Variants in TRPM3 observed in about 807,000 individuals in gnomAD.
TRPM3 encodes the protein long transient receptor potential channel 3.
TRPM3 carries 77 observed loss-of-function variants against 181.2 expected under a neutral mutation model. That is an observed-to-expected ratio of 0.42 (90% CI 0.35 to 0.51). TRPM3 has a LOEUF of 0.51. Among genes scored for constraint, TRPM3 ranks in the 20% least tolerant of loss-of-function variants. The pLI is 0.01. For missense variants in TRPM3, 1,759 were observed against 2,196.7 expected, an observed-to-expected ratio of 0.80 and a Z score of 3.98; for synonymous variants, 745 against 796.4, an observed-to-expected ratio of 0.94 and a Z score of 1.09.
Position 71,237,948 on chromosome 9 carries a change from T to C in TRPM3, c.183+208705A>G, listed in dbSNP as rs533426620. ...TTCCCTCATAGTCCTCATTCCTTCATAAAGGCCCTACATCTTAATACTATT... is the reference window on the plus strand; with the variant it reads ...TTCCCTCATAGTCCTCATTCCTTCACAAAGGCCCTACATCTTAATACTATT... On this transcript the variant is annotated intron_variant, in intron 1 of 24. Transcript: ENST00000357533. Among the ~76,000 whole-genome samples, 11 of 152,246 alleles carry C rather than the reference T, an allele frequency of 7.2e-5. No homozygotes were observed. In the South Asian group the frequency reaches 1.0e-3, roughly 14 times the overall value.
intron 5 of TRPM3, among the ~76,000 whole-genome samples, chr9:70,835,254 G>C (rs1005432738): frequency 2.6e-5 from 4 of 151,766 alleles, no homozygotes; most frequent in African/African-American, 4.8e-5. Flanking sequence ...CCCAGATTCA[G>C]GTATTCCTTT....
intron 22 of TRPM3, among the ~76,000 whole-genome samples, chr9:70,577,414 G>T (rs1167984963): frequency 6.6e-6 from 1 of 152,206 alleles, no homozygotes; most frequent in East Asian, 1.9e-4. Flanking sequence ...CCTTCAACAA[G>T]TTCTTTAACC....
intron 1 of TRPM3, among the ~76,000 whole-genome samples, chr9:71,271,573 C>T (rs2083793125): frequency 6.6e-6 from 1 of 151,580 alleles, no homozygotes; most frequent in African/African-American, 2.4e-5. Flanking sequence ...CATTTCTACC[C>T]AGCAGAAGAG....
intron 1 of TRPM3, among the ~76,000 whole-genome samples, chr9:71,111,926 CTGATT>C (rs2071200220): frequency 6.6e-6 from 1 of 152,064 alleles, no homozygotes; most frequent in Non-Finnish European, 1.5e-5. Context: ...TATTTTGACT[CTGATT>C]TATTTTTTCC....
chr9:71,060,532 G>T (rs190447659), intron 1 of TRPM3, among the ~76,000 whole-genome samples: 1 of 152,120 alleles, frequency 6.6e-6, no homozygotes, highest in African/African-American at 2.4e-5. Flanking sequence ...CAGACTCTCA[G>T]TGCTCCCCTA....
At position 71,424,890 on chromosome 9, in the gene TRPM3, C is replaced by T. The variant is rs140699589; in HGVS notation, c.183+21763G>A. On this transcript the variant is annotated intron_variant, in intron 1 of 24. Coordinates refer to the TRPM3 transcript ENST00000357533. Reference sequence around the variant, plus strand: ...CCATGACCTCACTTGTCATTCATTCCTCAGCCTACTCCAGTCTGGCTTCTT... The same window carrying T: ...CCATGACCTCACTTGTCATTCATTCTTCAGCCTACTCCAGTCTGGCTTCTT... 4.3e-3 allele frequency among the ~76,000 whole-genome samples: 651 copies of T among 152,236 alleles called. 7 individuals are homozygous for T. The highest frequency in any genetic ancestry group is 0.015 in the African/African-American group (627 of 41,572).
At chr9:70,861,903 C>T (rs1258047356) in intron 3 of TRPM3, among the ~76,000 whole-genome samples, 1 of 134,432 alleles carries the variant, frequency 7.4e-6, no homozygotes, top group African/African-American at 2.9e-5. Context: ...GCTCAGTCAG[C>T]CATTCGTGGT....
At chr9:70,946,512 A>G (rs2096935206) in intron 1 of TRPM3, among the ~76,000 whole-genome samples, 1 of 152,138 alleles carries the variant, frequency 6.6e-6, no homozygotes, top group Admixed American at 6.6e-5. Context: ...TAATATTTAT[A>G]AGGTACTCAT....
chr9:70,816,036 C>A (rs1420406286), intron 6 of TRPM3, among the ~76,000 whole-genome samples: 1 of 152,082 alleles, frequency 6.6e-6, no homozygotes, highest in Non-Finnish European at 1.5e-5. Flanking sequence ...GTTCACTTAA[C>A]AAGATGGAAA....
chr9:71,305,924 G>A (rs2087262081), intron 1 of TRPM3, among the ~76,000 whole-genome samples: 1 of 152,010 alleles, frequency 6.6e-6, no homozygotes, highest in Admixed American at 6.6e-5. Context: ...TCCTGATCAG[G>A]ACTTTTCTTT....
chr9:70,838,720 G>A (rs1248162529), intron 5 of TRPM3, among the ~76,000 whole-genome samples: 1 of 152,138 alleles, frequency 6.6e-6, no homozygotes, highest in Non-Finnish European at 1.5e-5. Context: ...AACCACAGAG[G>A]TGGAGCCAAC....
At chr9:71,220,256 C>T (rs962233707) in intron 1 of TRPM3, among the ~76,000 whole-genome samples, 1 of 152,066 alleles carries the variant, frequency 6.6e-6, no homozygotes, top group Non-Finnish European at 1.5e-5. Flanking sequence ...TTTACAAAAT[C>T]CTGCCATAGG....
intron 22 of TRPM3, among the ~76,000 whole-genome samples, chr9:70,587,539 C>T (rs1261598507): frequency 6.6e-6 from 1 of 152,198 alleles, no homozygotes; most frequent in African/African-American, 2.4e-5. Context: ...AAGAGTCCAT[C>T]TAATTTTAGC....
chr9:71,390,310 G>A (rs1398784919), intron 1 of TRPM3, among the ~76,000 whole-genome samples: 2 of 152,020 alleles, frequency 1.3e-5, no homozygotes, highest in African/African-American at 2.4e-5. Flanking sequence ...ACACATAAAG[G>A]AAACTTAATG....
intron 1 of TRPM3, among the ~76,000 whole-genome samples, chr9:71,192,255 C>T (rs1010463110): frequency 7.9e-5 from 12 of 151,516 alleles, no homozygotes; most frequent in Non-Finnish European, 1.6e-4. Flanking sequence ...GAATCTAAGC[C>T]TGAGAAGAGA....
intron 8 of TRPM3, among the ~76,000 whole-genome samples, chr9:70,700,213 C>G (rs1268794511): frequency 6.6e-6 from 1 of 152,132 alleles, no homozygotes; most frequent in Non-Finnish European, 1.5e-5. Flanking sequence ...GAACTCCTGA[C>G]TTCAGGTGAT....
intron 1 of TRPM3, among the ~76,000 whole-genome samples, chr9:71,328,961 A>G (rs1248152491): frequency 1.3e-5 from 2 of 152,356 alleles, no homozygotes; most frequent in South Asian, 2.1e-4. Context: ...GTAATAATCA[A>G]AAGTGTAGAC....
chr9:71,104,959 T>A (rs2069181596), intron 1 of TRPM3, among the ~76,000 whole-genome samples: 1 of 152,214 alleles, frequency 6.6e-6, no homozygotes, highest in South Asian at 2.1e-4. Context: ...ATATACCTAC[T>A]CTATAATCCA....
At chr9:70,921,448 G>A (rs1038694111) in intron 1 of TRPM3, among the ~76,000 whole-genome samples, 2 of 152,180 alleles carry the variant, frequency 1.3e-5, no homozygotes, top group African/African-American at 4.8e-5. Flanking sequence ...ACAAACTAGT[G>A]CTATTAGCAT....
Sources: allele counts gnomAD v4.1 joint callset (sites outside exome capture counted in the v4.1 genomes callset), GRCh38; gene constraint gnomAD v4.1.1; transcripts MANE v1.5; gene names NCBI Gene and HGNC (gene_info 2026-07-23, HGNC 2026-07-21).